The following WWOX variants were observed in gnomAD, a reference collection of about 807,000 sequenced individuals.
WWOX encodes the protein WW domain-containing oxidoreductase.
Under a neutral mutation model 46.2 loss-of-function variants are expected in WWOX, and 69 were observed. That is an observed-to-expected ratio of 1.49 (90% confidence interval 1.23 to 1.82). WWOX has a LOEUF of 1.82. WWOX is among the 40% of genes most tolerant of loss of function. WWOX has a pLI of 0.00. For missense variants in WWOX, 919 were observed against 542.6 expected, an observed-to-expected ratio of 1.69 and a Z score of -6.89; for synonymous variants, 359 against 202.6, an observed-to-expected ratio of 1.77 and a Z score of -6.56.
At chr16:78,603,347 G>T (rs3135432) in intron 8 of WWOX, among the ~76,000 whole-genome samples, 148,306 of 152,310 alleles carry the variant, frequency 0.97, 72,335 homozygotes, top group Middle Eastern at 1. Flanking sequence ...CTCATTCTGA[G>T]TATCAGGGAT....
chr16:79,013,985 T>C (rs1344297779), intron 8 of WWOX, among the ~76,000 whole-genome samples: 1 of 152,158 alleles, frequency 6.6e-6, no homozygotes, highest in Non-Finnish European at 1.5e-5. Flanking sequence ...GATTTTTTGC[T>C]CTCCTCCTTT....
intron 8 of WWOX, among the ~76,000 whole-genome samples, chr16:79,042,256 C>T (rs544896883): frequency 6.6e-6 from 1 of 152,218 alleles, no homozygotes; most frequent in East Asian, 1.9e-4. Flanking sequence ...CTCCCAAAAG[C>T]TGAGGCTTCC....
chr16:78,944,080 C>A (rs1323854848), intron 8 of WWOX, among the ~76,000 whole-genome samples: 1 of 152,100 alleles, frequency 6.6e-6, no homozygotes, highest in Non-Finnish European at 1.5e-5. Context: ...AGAATTCCTC[C>A]TGGGTTTTGT....
chr16:78,420,772 T>A (rs1406462529), intron 6 of WWOX, among the ~76,000 whole-genome samples: 1 of 152,096 alleles, frequency 6.6e-6, no homozygotes, highest in East Asian at 1.9e-4. Flanking sequence ...TTATGGTATG[T>A]GCATTATATT....
At chr16:78,858,144 T>TTGTGTGTGTGTGTGTGTGTG (rs59637371) in intron 8 of WWOX, among the ~76,000 whole-genome samples, 3 of 148,540 alleles carry the variant, frequency 2.0e-5, no homozygotes, top group African/African-American at 7.5e-5. Flanking sequence ...CATTGTGTGT[T>TTGTGTGTGTGTGTGTGTGTG]TGTGTGTGTG....
intron 7 of WWOX, among the ~76,000 whole-genome samples, chr16:78,428,662 A>T (rs754433685): frequency 7.2e-5 from 11 of 152,200 alleles, no homozygotes; most frequent in Non-Finnish European, 1.2e-4. Context: ...CCTAGTCATG[A>T]CATACTTCTG....
chr16:78,923,623 C>T (rs375741963), intron 8 of WWOX, among the ~76,000 whole-genome samples: 2 of 151,954 alleles, frequency 1.3e-5, no homozygotes, highest in South Asian at 2.1e-4. Flanking sequence ...GGGGATATTT[C>T]ACTCTTCTAT....
chr16:78,326,537 A>C (rs2080621120), intron 5 of WWOX, among the ~76,000 whole-genome samples: 1 of 134,942 alleles, frequency 7.4e-6, no homozygotes, highest in Non-Finnish European at 1.5e-5. Flanking sequence ...TGGATGTATT[A>C]CTTAACCTCT....
At chr16:78,681,476 T>C (rs1356265990) in intron 8 of WWOX, among the ~76,000 whole-genome samples, 1 of 151,836 alleles carries the variant, frequency 6.6e-6, no homozygotes, top group Non-Finnish European at 1.5e-5. Context: ...TCCTAGACAC[T>C]TGAATCAGAG....
intron 8 of WWOX, among the ~76,000 whole-genome samples, chr16:78,437,497 A>C (rs2083359376): frequency 6.6e-6 from 1 of 152,334 alleles, no homozygotes; most frequent in East Asian, 1.9e-4. Context: ...GCAATATAAT[A>C]ATCACTAATG....
chr16:78,977,904 CATAAT>C (rs1275517141), intron 8 of WWOX, among the ~76,000 whole-genome samples: 3 of 152,212 alleles, frequency 2.0e-5, no homozygotes, highest in African/African-American at 7.2e-5. Flanking sequence ...GTGAAATTCA[CATAAT>C]ATAAGATTAA....
At chr16:78,424,120 GTTT>G (rs565162154) in intron 6 of WWOX, among the ~76,000 whole-genome samples, 11,277 of 106,080 alleles carry the variant, frequency 0.11, 330 homozygotes, top group East Asian at 0.21. Flanking sequence ...TTTTTTTTTT[GTTT>G]TTTTTTTTTT....
chr16:78,940,731 CT>C (rs920906146), intron 8 of WWOX, among the ~76,000 whole-genome samples: 21 of 144,494 alleles, frequency 1.5e-4, no homozygotes, highest in Admixed American at 4.8e-4. Flanking sequence ...AGCGGGGTTA[CT>C]TTTTTTTTCC....
chr16:79,186,103 C>T (rs2051009365), intron 8 of WWOX, among the ~76,000 whole-genome samples: 1 of 152,038 alleles, frequency 6.6e-6, no homozygotes, highest in Admixed American at 6.6e-5. Context: ...GGCTGTGGGC[C>T]TCTGTGTTCA....
chr16:78,531,203 G>C (rs912512657), intron 8 of WWOX, among the ~76,000 whole-genome samples: 2 of 152,216 alleles, frequency 1.3e-5, no homozygotes, highest in Admixed American at 6.5e-5. Flanking sequence ...CCTTTTCAGC[G>C]TGAATGCAGA....
chr16:78,719,726 A>G (rs997420567), intron 8 of WWOX, among the ~76,000 whole-genome samples: 2 of 152,218 alleles, frequency 1.3e-5, no homozygotes, highest in Non-Finnish European at 2.9e-5. Context: ...AATTTACCAA[A>G]TGGAAAATAT....
intron 8 of WWOX, among the ~76,000 whole-genome samples, chr16:78,939,632 A>T (rs576049432): frequency 1.3e-5 from 2 of 152,268 alleles, no homozygotes; most frequent in East Asian, 3.8e-4. Context: ...AAATTATTCA[A>T]TGATCAAATA....
intron 5 of WWOX, among the ~76,000 whole-genome samples, chr16:78,305,646 G>A (rs2080122215): frequency 6.6e-6 from 1 of 151,088 alleles, no homozygotes; most frequent in Admixed American, 6.6e-5. Flanking sequence ...AAAAAAAAAA[G>A]AATGAAAAGC....
At chr16:78,980,084 C>T (rs1401676919) in intron 8 of WWOX, among the ~76,000 whole-genome samples, 1 of 152,202 alleles carries the variant, frequency 6.6e-6, no homozygotes, top group Non-Finnish European at 1.5e-5. Context: ...GCTGAGATTG[C>T]ACCACTGCAC....
Sources: allele counts gnomAD v4.1 joint callset (sites outside exome capture counted in the v4.1 genomes callset), GRCh38; gene constraint gnomAD v4.1.1; transcripts MANE v1.5; gene names NCBI Gene and HGNC (gene_info 2026-07-23, HGNC 2026-07-21).